The following THRA variants were observed in gnomAD, a reference collection of about 807,000 sequenced individuals.
THRA encodes EAR-7.
In THRA, 13 loss-of-function variants were observed where a neutral mutation model predicts 45.0. The ratio of observed to expected loss-of-function variants is 0.29; its 90% CI spans 0.19 to 0.46. The LOEUF (loss-of-function observed/expected upper bound fraction) is 0.46. Among genes scored for constraint, THRA ranks in the 20% least tolerant of loss-of-function variants. The probability of loss-of-function intolerance (pLI) is 1.00; values close to 1 mark genes in which losing one functional copy is unlikely to be tolerated. For synonymous variants in THRA, 195 were observed against 214.0 expected, an observed-to-expected ratio of 0.91 and a Z score of 0.78; for missense variants, 278 against 556.1, an observed-to-expected ratio of 0.50 and a Z score of 5.03.
At chr17:40,073,592 C>T (rs373462261) in intron 1 of THRA, among the ~76,000 whole-genome samples, 18 of 152,276 alleles carry the variant, frequency 1.2e-4, no homozygotes, top group African/African-American at 4.1e-4. Context: ...AAGTGGGATT[C>T]GAGACCTTGC....
chr17:40,087,459 A>G (rs1484598422), intron 7 of THRA, among the ~76,000 whole-genome samples: 1 of 151,190 alleles, frequency 6.6e-6, no homozygotes, highest in Non-Finnish European at 1.5e-5. Context: ...ATAGATACAT[A>G]CAGACACACA....
chr17:40,072,284 C>T (rs1424536865), intron 1 of THRA: 2 of 152,436 alleles, frequency 1.3e-5, no homozygotes, highest in Non-Finnish European at 2.9e-5. Context: ...CCCGCCTGGC[C>T]CGGCCCACAG....
chr17:40,063,287 G>A (rs574746089), intron 1 of THRA, among the ~76,000 whole-genome samples, 195 bp downstream of exon 1: 2 of 152,214 alleles, frequency 1.3e-5, no homozygotes, highest in African/African-American at 4.8e-5. Flanking sequence ...CCCTGGGGAA[G>A]GGAGGTGTTG....
chr17:40,075,125 G>A (rs1986906098), intron 2 of THRA, among the ~76,000 whole-genome samples: 1 of 152,270 alleles, frequency 6.6e-6, no homozygotes, highest in African/African-American at 2.4e-5. Flanking sequence ...GCTTCCACAT[G>A]GGTGAGGTGT....
Position 40,089,841 on chromosome 17 carries a change from T to TGA in THRA, c.*393_*394dup. On this transcript the variant is annotated 3_prime_UTR_variant, in exon 9 of 9. Transcript: ENST00000450525. The surrounding 1 kb of genome is among the most constrained non-coding windows in gnomAD (Gnocchi z 6.1). ...CCTCAACTCACCCCCTACACACACATGAGAGAGAGCCCCCACCCAGTTCCT... is the reference window on the plus strand; with the variant it reads ...CCTCAACTCACCCCCTACACACACATGAGAGAGAGAGCCCCCACCCAGTTCCT... 1 of 1,061,196 alleles carries TGA rather than the reference T, an allele frequency of 9.4e-7. No homozygotes were observed. The highest frequency in any genetic ancestry group is 1.7e-5 in the African/African-American group (1 of 59,414). 65.7% of individuals were successfully genotyped at this position (1,061,196 alleles called of 1,614,324 possible).
At chr17:40,073,947 C>A (rs766765774) in intron 1 of THRA, among the ~76,000 whole-genome samples, 2 of 152,160 alleles carry the variant, frequency 1.3e-5, no homozygotes, top group Non-Finnish European at 2.9e-5. Flanking sequence ...TTACTTAGTA[C>A]ATGAATGATC....
At chr17:40,093,476 C>G, downstream of THRA, 5 of 1,483,102 alleles carry the variant, frequency 3.4e-6, no homozygotes, top group Non-Finnish European at 4.5e-6. This position sits in a 1 kb window ranked among gnomAD's most constrained non-coding sequence, Gnocchi z 5.9. Context: ...AAGCTGGGAG[C>G]GTGGGCTCAG....
At chr17:40,087,382 G>GAC (rs377283004) in intron 7 of THRA, among the ~76,000 whole-genome samples, 3 of 69,778 alleles carry the variant, frequency 4.3e-5, no homozygotes, top group East Asian at 8.0e-4. Flanking sequence ...CTAGCACACA[G>GAC]ACACACACAC....
At position 40,066,831 on chromosome 17, in the gene THRA, G is replaced by A. The variant is rs571540103; in HGVS notation, c.-298+3739G>A. ...CCCAGCTCTGTCACTTGCTGGATGT[G>A]TGACTTTGAGCAAGCGATTTAACTT... is the stretch of plus-strand genomic sequence containing the variant. On this transcript the variant is annotated intron_variant, in intron 1 of 8. Coordinates refer to ENST00000450525, the MANE Select transcript of THRA (RefSeq NM_199334.5). 2.0e-5 allele frequency among the ~76,000 whole-genome samples: 3 copies of A among 152,314 alleles called. No individual in the cohort carries two copies. In the East Asian group the frequency reaches 5.8e-4, roughly 29 times the overall value.
At chr17:40,063,350 C>A (rs187426706) in intron 1 of THRA, among the ~76,000 whole-genome samples, 2,509 of 152,200 alleles carry the variant, frequency 0.016, 73 homozygotes, top group African/African-American at 0.057. Flanking sequence ...GTCCGAGCCT[C>A]CCCCTGGAGG....
chr17:40,083,550 C>T (rs990414311), intron 4 of THRA, among the ~76,000 whole-genome samples: 3 of 152,364 alleles, frequency 2.0e-5, no homozygotes, highest in Middle Eastern at 3.4e-3. Context: ...TAAGGCCTCA[C>T]ATTATCCCAG....
At position 40,088,277 on chromosome 17, in the gene THRA, G is replaced by T. The variant is rs1313779842; in HGVS notation, c.759G>T (p.Gly253=). ...PCEDQIILLK[G]CCMEIMSLRA... Reference sequence around the variant, plus strand: ...AAGACCAGATCATCCTCCTGAAGGGGTGCTGCATGGAGATCATGTCCCTGC... The same window carrying T: ...AAGACCAGATCATCCTCCTGAAGGGTTGCTGCATGGAGATCATGTCCCTGC... Residue 253 remains glycine, a synonymous_variant, in exon 8 of 9, where the codon GGG becomes GGT. Coordinates refer to ENST00000450525, the MANE Select transcript of THRA (RefSeq NM_199334.5). 3.7e-6 allele frequency: 6 copies of T among 1,605,674 alleles called. No homozygotes were observed. The East Asian group carries it at 1.3e-4, about 36-fold the overall frequency.
At chr17:40,078,727 CTTTTTTTTTT>C (rs746350223) in intron 4 of THRA, among the ~76,000 whole-genome samples, 3 of 102,612 alleles carry the variant, frequency 2.9e-5, no homozygotes, top group African/African-American at 7.0e-5. Flanking sequence ...CAGCCTTCAT[CTTTTTTTTTT>C]TTTTTTTTTT....
intron 1 of THRA, among the ~76,000 whole-genome samples, chr17:40,072,484 G>A (rs1179116639): frequency 6.6e-6 from 1 of 152,146 alleles, no homozygotes; most frequent in Admixed American, 6.5e-5. Context: ...TGTGCCAGGC[G>A]GGCAGGAGAC....
intron 1 of THRA, among the ~76,000 whole-genome samples, chr17:40,065,493 C>T (rs1986521653): frequency 6.6e-6 from 1 of 152,212 alleles, no homozygotes. Flanking sequence ...CCCTCTCTCT[C>T]TCCTTGTTTC....
chr17:40,066,331 CTG>C (rs1986562812), intron 1 of THRA, among the ~76,000 whole-genome samples: 1 of 152,088 alleles, frequency 6.6e-6, no homozygotes, highest in Non-Finnish European at 1.5e-5. Context: ...AGGGGAAAGA[CTG>C]AGGCTTGGTC....
At position 40,063,070 on chromosome 17, in the gene THRA, C is replaced by G. The variant is rs915612360; in HGVS notation, c.-320C>G. 1 of 152,056 alleles carries G rather than the reference C, an allele frequency of 6.6e-6. No individual in the cohort carries two copies. Among genetic ancestry groups the G allele is most frequent in the African/African-American group, 2.4e-5 (1 of 41,414 alleles). The allele number at this position is 152,056 out of a possible 1,614,324, so 9.4% of individuals were successfully genotyped here. The stretch of plus-strand genomic sequence containing the variant: ...TGAGACCCCCGCGTCGCTGCCCAGC[C>G]CGGTCCGGCGCGCCACGCCGAGGTA... On this transcript the variant is annotated 5_prime_UTR_variant, in exon 1 of 9. Coordinates refer to ENST00000450525, the MANE Select transcript of THRA (RefSeq NM_199334.5).
chr17:40,093,464 G>A (rs3471), downstream of THRA: 1,390 of 1,496,880 alleles, frequency 9.3e-4, 2 homozygotes, highest in Non-Finnish European at 1.1e-3. This position sits in a 1 kb window ranked among gnomAD's most constrained non-coding sequence, Gnocchi z 5.9. Context: ...GGAGGTGCCT[G>A]AAAGCTGGGA....
At chr17:40,086,631 C>T in intron 6 of THRA, 76 bp from the exon 7 acceptor site, 1 of 1,560,704 alleles carries the variant, frequency 6.4e-7, no homozygotes, top group Non-Finnish European at 8.7e-7. Flanking sequence ...TTGGAGCTCC[C>T]CCTGGTGGGC....
Sources: allele counts gnomAD v4.1 joint callset (sites outside exome capture counted in the v4.1 genomes callset), GRCh38; gene constraint gnomAD v4.1.1; non-coding constraint Gnocchi (gnomAD v3.1); transcripts MANE v1.5; gene names NCBI Gene and HGNC (gene_info 2026-07-23, HGNC 2026-07-21).